The following CNGA1 variants were observed in gnomAD, a reference collection of about 807,000 sequenced individuals.
CNGA1 encodes the protein cyclic nucleotide gated channel subunit alpha 1.
Under a neutral mutation model 69.7 loss-of-function variants are expected in CNGA1, and 53 were observed. The observed-to-expected ratio is 0.76, with a 90% CI of 0.61 to 0.96. The LOEUF (loss-of-function observed/expected upper bound fraction) is 0.96. Ranked by LOEUF, CNGA1 falls within the 40% of genes least tolerant of loss-of-function variation. The probability of loss-of-function intolerance (pLI) is 0.00; values close to 1 mark genes in which losing one functional copy is unlikely to be tolerated. For missense variants in CNGA1, 739 were observed against 811.2 expected (o/e 0.91, Z 1.08); for synonymous variants, 249 against 283.5 (o/e 0.88, Z 1.22).
Position 47,949,294 on chromosome 4 carries a change from G to A in CNGA1, c.287+539C>T, listed in dbSNP as rs375869244. ...AACTTTTTTCCAATAACTGTGCATGGGAACAAAGGCCCAAGTCTATTACCT... is the reference window on the plus strand; with the variant it reads ...AACTTTTTTCCAATAACTGTGCATGAGAACAAAGGCCCAAGTCTATTACCT... On this transcript the variant is annotated intron_variant, in intron 6 of 10. Transcript: ENST00000514170. Among the ~76,000 whole-genome samples, 130 of 152,216 alleles carry A rather than the reference G, an allele frequency of 8.5e-4. 2 individuals carry two copies. The highest frequency in any genetic ancestry group is 3.4e-3 in the Middle Eastern group (1 of 294).
intron 2 of CNGA1, among the ~76,000 whole-genome samples, chr4:48,001,346 G>A (rs2109346135): frequency 6.6e-6 from 1 of 152,270 alleles, no homozygotes; most frequent in Middle Eastern, 3.4e-3. Context: ...GCATGCACCT[G>A]TAATCCCAGC....
chr4:47,979,917 T>C (rs1335546919), intron 3 of CNGA1, among the ~76,000 whole-genome samples: 1 of 152,216 alleles, frequency 6.6e-6, no homozygotes, highest in Admixed American at 6.5e-5. Flanking sequence ...AAAAATTTTT[T>C]TCTCTAAGGA....
intron 3 of CNGA1, among the ~76,000 whole-genome samples, chr4:47,975,590 A>G (rs1462358801): frequency 6.6e-6 from 1 of 152,192 alleles, no homozygotes; most frequent in Admixed American, 6.5e-5. Flanking sequence ...TAAACACCAG[A>G]GCATGTAAGC....
intron 2 of CNGA1, among the ~76,000 whole-genome samples, chr4:47,982,548 G>A (rs1507921): frequency 0.1 from 15,853 of 151,970 alleles, 1,310 homozygotes; most frequent in East Asian, 0.32. Flanking sequence ...AGAAAGAAAA[G>A]AAAATGGAAA....
chr4:47,986,457 T>C (rs1043231551), intron 2 of CNGA1, among the ~76,000 whole-genome samples: 1 of 152,088 alleles, frequency 6.6e-6, no homozygotes, highest in South Asian at 2.1e-4. Context: ...TAATTTATTA[T>C]ATAATTCTAG....
At chr4:47,995,769 T>C (rs1309403975) in intron 2 of CNGA1, among the ~76,000 whole-genome samples, 2 of 152,138 alleles carry the variant, frequency 1.3e-5, no homozygotes, top group Non-Finnish European at 2.9e-5. Flanking sequence ...CTCATTTGGG[T>C]TGGCTCTATC....
At chr4:48,006,677 A>G (rs920609570) in intron 2 of CNGA1, among the ~76,000 whole-genome samples, 1 of 152,144 alleles carries the variant, frequency 6.6e-6, no homozygotes, top group Non-Finnish European at 1.5e-5. Flanking sequence ...GCTGGAGTGC[A>G]GTGGCATGAT....
intron 6 of CNGA1, among the ~76,000 whole-genome samples, chr4:47,949,079 A>G (rs1739593298): frequency 6.6e-6 from 1 of 152,166 alleles, no homozygotes; most frequent in African/African-American, 2.4e-5. Context: ...TATAAACAAA[A>G]TGGATCTGGG....
At chr4:47,954,808 G>A (rs192027559) in intron 3 of CNGA1, among the ~76,000 whole-genome samples, 5 of 152,322 alleles carry the variant, frequency 3.3e-5, no homozygotes, top group South Asian at 2.1e-4. Flanking sequence ...CTTTTTGAAG[G>A]GGGGGTAAAG....
intron 6 of CNGA1, among the ~76,000 whole-genome samples, chr4:47,946,247 T>C (rs2352466): frequency 0.84 from 128,244 of 152,006 alleles, 54,362 homozygotes; most frequent in East Asian, 0.98. Context: ...TCCTAATGGA[T>C]AGCAATAGAC....
At chr4:48,009,840 C>T (rs1478921276) in intron 2 of CNGA1, among the ~76,000 whole-genome samples, 1 of 152,118 alleles carries the variant, frequency 6.6e-6, no homozygotes, top group Non-Finnish European at 1.5e-5. Flanking sequence ...GACTAGTCTT[C>T]CCTTTTTTTT....
At chr4:47,964,089 C>G (rs1482975652) in intron 3 of CNGA1, among the ~76,000 whole-genome samples, 2 of 152,128 alleles carry the variant, frequency 1.3e-5, no homozygotes, top group Non-Finnish European at 2.9e-5. Flanking sequence ...GAAACAACTG[C>G]TTTCTAAGAT....
At chr4:47,954,227 C>T (rs1739924341) in intron 3 of CNGA1, among the ~76,000 whole-genome samples, 1 of 151,372 alleles carries the variant, frequency 6.6e-6, no homozygotes, top group African/African-American at 2.5e-5. Context: ...CCTCCACCTT[C>T]CCGGAATTCC....
chr4:47,954,174 C>G (rs1021857349), intron 3 of CNGA1, among the ~76,000 whole-genome samples: 12 of 152,068 alleles, frequency 7.9e-5, no homozygotes, highest in African/African-American at 2.4e-4. Context: ...AGAGGAGTTG[C>G]GTCCAGAACG....
Position 47,942,033 on chromosome 4 carries a change from A to G in CNGA1, c.545+8T>C. Reference sequence around the variant, plus strand: ...TCCACAAAAAAAAAAAAAAAAAATTATAGACACCTGGCAATAACCATTGTC... The same window carrying G: ...TCCACAAAAAAAAAAAAAAAAAATTGTAGACACCTGGCAATAACCATTGTC... On this transcript the variant is annotated splice_region_variant and intron_variant, in intron 9 of 10. Transcript: ENST00000514170. 2 of 1,542,336 alleles carry G rather than the reference A, an allele frequency of 1.3e-6. No homozygotes were observed. Among genetic ancestry groups the G allele is most frequent in the Non-Finnish European group, 1.8e-6 (2 of 1,121,650 alleles).
intron 3 of CNGA1, among the ~76,000 whole-genome samples, chr4:47,976,071 A>G (rs183760832): frequency 2.7e-5 from 4 of 149,992 alleles, no homozygotes; most frequent in Admixed American, 6.7e-5. Context: ...CATGAAATCA[A>G]TTGTGATGGC....
chr4:47,939,120 T>C (rs998523781), intron 10 of CNGA1, among the ~76,000 whole-genome samples: 1 of 151,968 alleles, frequency 6.6e-6, no homozygotes, highest in Non-Finnish European at 1.5e-5. Context: ...CTTGGTGAGG[T>C]CCAAGATGGG....
intron 2 of CNGA1, among the ~76,000 whole-genome samples, chr4:48,001,561 T>C (rs1236433222): frequency 2.0e-5 from 3 of 152,234 alleles, no homozygotes; most frequent in Non-Finnish European, 4.4e-5. Context: ...AACAGGGACA[T>C]TTAATAATGA....
At chr4:47,984,420 C>T (rs1203747987) in intron 2 of CNGA1, among the ~76,000 whole-genome samples, 6 of 151,948 alleles carry the variant, frequency 3.9e-5, no homozygotes, top group African/African-American at 7.3e-5. Context: ...AATTTTGAGA[C>T]CAGCCTGGCC....
Sources: gnomAD v4.1 joint callset for allele counts (sites outside exome capture counted in the v4.1 genomes callset) on GRCh38, gnomAD v4.1.1 for gene constraint, MANE v1.5 for transcripts, NCBI Gene and HGNC (gene_info 2026-07-23, HGNC 2026-07-21) for gene names.